The following GADL1 variants were observed in gnomAD, a reference collection of about 807,000 sequenced individuals.
GADL1 encodes the protein acidic amino acid decarboxylase GADL1.
A neutral mutation model predicts 69.5 loss-of-function variants in GADL1; 71 were observed. The observed-to-expected ratio is 1.02, with a 90% CI of 0.84 to 1.25. The LOEUF (loss-of-function observed/expected upper bound fraction) is 1.25, where lower values mean the gene tolerates loss of function less well. Among genes scored for constraint, GADL1 ranks in the 50% most tolerant of loss-of-function variants. The pLI is 0.00. For synonymous variants in GADL1, 254 were observed against 214.4 expected (o/e 1.18, Z -1.62); for missense variants, 737 against 631.8 (o/e 1.17, Z -1.79).
chr3:30,861,227 T>C (rs1330739371), intron 2 of GADL1, among the ~76,000 whole-genome samples: 2 of 151,556 alleles, frequency 1.3e-5, no homozygotes, highest in African/African-American at 4.8e-5. Context: ...GAGTGTGCAC[T>C]AGAAAATGGG....
chr3:30,843,259 T>A (rs1209645394), intron 8 of GADL1, among the ~76,000 whole-genome samples: 2 of 40,876 alleles, frequency 4.9e-5, no homozygotes, highest in East Asian at 1.7e-3. Context: ...ATGATACACC[T>A]TTTTTTTTTT....
chr3:30,748,695 A>C (rs1340875030), intron 14 of GADL1, among the ~76,000 whole-genome samples: 1 of 152,240 alleles, frequency 6.6e-6, no homozygotes. Context: ...CCTATTTCAC[A>C]GTGTGCTGCA....
chr3:30,809,667 G>A (rs1451668233), intron 11 of GADL1, among the ~76,000 whole-genome samples: 1 of 152,056 alleles, frequency 6.6e-6, no homozygotes, highest in African/African-American at 2.4e-5. Flanking sequence ...GTACTTTCTG[G>A]AAGATGTTTT....
chr3:30,891,725 T>G (rs1307395863), intron 1 of GADL1, among the ~76,000 whole-genome samples: 1 of 151,766 alleles, frequency 6.6e-6, no homozygotes, highest in Non-Finnish European at 1.5e-5. Context: ...AAGATGGTAT[T>G]TGTAGTTCGG....
intron 8 of GADL1, among the ~76,000 whole-genome samples, chr3:30,841,700 C>T (rs949955613): frequency 6.6e-6 from 1 of 151,988 alleles, no homozygotes. Context: ...AATAATGGGT[C>T]TAGACAATGA....
rs1698241272 is a variant in GADL1 at position 30,857,138 on chromosome 3, A to G, written c.214T>C (p.Cys72Arg). Residue 72 changes from cysteine to arginine, a missense_variant, in exon 3 of 15, where the codon TGT becomes CGT. Transcript: ENST00000282538. ...LKATDVNEKV[C>R]EWRPPEQLKQ... The stretch of plus-strand genomic sequence containing the variant: ...AGTTGTTCAGGAGGCCTCCATTCAC[A>G]CACCTGGAGATTCAACCACAACACA... 6.5e-7 allele frequency: 1 copy of G among 1,549,818 alleles called. No individual in the cohort carries two copies. Among genetic ancestry groups the G allele is most frequent in the Non-Finnish European group, 8.7e-7 (1 of 1,145,750 alleles).
intron 14 of GADL1, among the ~76,000 whole-genome samples, chr3:30,760,544 CTCTT>C (rs1315782927): frequency 1.3e-5 from 2 of 152,084 alleles, no homozygotes; most frequent in East Asian, 3.9e-4. Flanking sequence ...CTTCTGTTTC[CTCTT>C]TCTCTTACCA....
chr3:30,891,855 T>A (rs960091665), intron 1 of GADL1, among the ~76,000 whole-genome samples: 68 of 149,670 alleles, frequency 4.5e-4, no homozygotes, highest in Non-Finnish European at 5.2e-4. Context: ...AAATCTAGAG[T>A]GGGGTAAAAA....
rs1370022485 is a variant in GADL1, at chr3:30,802,244, C to A, written c.1051-1156G>T. On this transcript the variant is annotated intron_variant, in intron 11 of 14. Coordinates refer to ENST00000282538, the MANE Select transcript of GADL1 (RefSeq NM_207359.3). Reference sequence around the variant, plus strand: ...GCAATGAGCAGTCACTACCTATATTCTCTCCTTGTGTGGTCAAGCAGGTTC... The same window carrying A: ...GCAATGAGCAGTCACTACCTATATTATCTCCTTGTGTGGTCAAGCAGGTTC... 2.0e-5 allele frequency among the ~76,000 whole-genome samples: 3 copies of A among 152,168 alleles called. No homozygotes were observed. In the East Asian group the frequency reaches 5.8e-4, roughly 29 times the overall value.
intron 8 of GADL1, among the ~76,000 whole-genome samples, chr3:30,842,744 A>C (rs1697987591): frequency 6.6e-6 from 1 of 151,296 alleles, no homozygotes; most frequent in Non-Finnish European, 1.5e-5. Flanking sequence ...GTTGTTACTC[A>C]GAATTATACC....
At chr3:30,893,899 G>A (rs1698818024) in intron 1 of GADL1, among the ~76,000 whole-genome samples, 1 of 152,180 alleles carries the variant, frequency 6.6e-6, no homozygotes. Context: ...ACAAAGAGGA[G>A]TTATTCCTGG....
chr3:30,823,501 A>T (rs1357904311), intron 11 of GADL1, among the ~76,000 whole-genome samples: 1 of 152,018 alleles, frequency 6.6e-6, no homozygotes, highest in Non-Finnish European at 1.5e-5. Context: ...TGAACTGCTA[A>T]TTCCCTCAGA....
chr3:30,759,711 CTACTT>C (rs757388665), intron 14 of GADL1, among the ~76,000 whole-genome samples: 5 of 152,230 alleles, frequency 3.3e-5, no homozygotes, highest in African/African-American at 4.8e-5. Flanking sequence ...TGTATCCTCA[CTACTT>C]CACTTCCTTA....
chr3:30,816,502 C>T (rs1337549962), intron 11 of GADL1, among the ~76,000 whole-genome samples: 3 of 138,734 alleles, frequency 2.2e-5, no homozygotes, highest in African/African-American at 9.0e-5. Context: ...TTTGCTCTCC[C>T]CAAGACCATA....
intron 14 of GADL1, among the ~76,000 whole-genome samples, chr3:30,772,469 CATCTT>C (rs905952322): frequency 6.6e-6 from 1 of 152,146 alleles, no homozygotes; most frequent in African/African-American, 2.4e-5. Flanking sequence ...TAACATTTCC[CATCTT>C]ATCTTTGCAT....
intron 9 of GADL1, among the ~76,000 whole-genome samples, chr3:30,836,462 T>C (rs1323098781): frequency 6.6e-6 from 1 of 151,816 alleles, no homozygotes; most frequent in Non-Finnish European, 1.5e-5. Context: ...AATTCCTAAC[T>C]CCAGAAACTG....
chr3:30,729,937 T>C (rs1695429838), intron 14 of GADL1, among the ~76,000 whole-genome samples: 1 of 152,060 alleles, frequency 6.6e-6, no homozygotes, highest in African/African-American at 2.4e-5. Flanking sequence ...TCACAAGATA[T>C]GAAAAGAAAA....
chr3:30,733,617 C>A (rs1695499409), intron 14 of GADL1, among the ~76,000 whole-genome samples: 1 of 150,436 alleles, frequency 6.6e-6, no homozygotes, highest in Non-Finnish European at 1.5e-5. Context: ...TCCTTCCTTC[C>A]TTCCTTCCTT....
chr3:30,819,674 A>G (rs1559351596), intron 11 of GADL1, among the ~76,000 whole-genome samples: 1 of 152,178 alleles, frequency 6.6e-6, no homozygotes. Flanking sequence ...ACATAAATTT[A>G]ATAAGGACAT....
Sources: allele counts gnomAD v4.1 joint callset (sites outside exome capture counted in the v4.1 genomes callset), GRCh38; gene constraint gnomAD v4.1.1; transcripts MANE v1.5; gene names NCBI Gene and HGNC (gene_info 2026-07-23, HGNC 2026-07-21).